Variants in SYNE2 observed in about 807,000 individuals in gnomAD.
SYNE2 encodes the protein nesprin-2.
SYNE2 carries 431 observed loss-of-function variants against 856.3 expected under a neutral mutation model. That is an observed-to-expected ratio of 0.50 (90% confidence interval 0.47 to 0.55). The LOEUF (loss-of-function observed/expected upper bound fraction) is 0.55, where lower values mean the gene tolerates loss of function less well. Among genes scored for constraint, SYNE2 ranks in the 20% least tolerant of loss-of-function variants. The pLI, the probability that SYNE2 is intolerant of heterozygous loss-of-function variation, is 0.00. For synonymous variants in SYNE2, 2,923 were observed against 2,872.3 expected (o/e 1.02, Z -0.56); for missense variants, 8,129 against 8,023.2 (o/e 1.01, Z -0.50).
intron 1 of SYNE2, among the ~76,000 whole-genome samples, chr14:63,825,780 C>T (rs1889406335): frequency 6.6e-6 from 1 of 152,024 alleles, no homozygotes; most frequent in Non-Finnish European, 1.5e-5. Flanking sequence ...GAGCCTGAGG[C>T]AGGGAGAATT....
rs1336910209 is a variant in SYNE2 at position 64,051,860 on chromosome 14, A to G, written c.7947A>G (p.Leu2649=). The change falls in exon 48 of 116, where the codon CTA becomes CTG. Residue 2649 remains leucine, a synonymous_variant. Coordinates refer to ENST00000555002, the MANE Select transcript of SYNE2 (RefSeq NM_182914.3). ...EISLQQQQQH[L]QLRLKSPEER... is the part of the protein sequence containing the mutation. ...CTCTGCAACAGCAGCAGCAACATCT[A>G]CAGTTAAGGCTGAAGTCTCCAGAAG... The G allele has an allele frequency of 1.2e-6, 2 of 1,613,976 alleles. No individual in the cohort carries two copies. Among genetic ancestry groups the G allele is most frequent in the East Asian group, 2.2e-5 (1 of 44,898 alleles).
intron 8 of SYNE2, among the ~76,000 whole-genome samples, chr14:63,957,124 T>C (rs2096250337): frequency 6.6e-6 from 1 of 151,990 alleles, no homozygotes; most frequent in Non-Finnish European, 1.5e-5. Flanking sequence ...TTCCTTTTTT[T>C]TTTTTTGGAG....
At chr14:63,947,417 G>A (rs2096053414) in intron 6 of SYNE2, among the ~76,000 whole-genome samples, 1 of 152,190 alleles carries the variant, frequency 6.6e-6, no homozygotes, top group South Asian at 2.1e-4. Context: ...TGAAAATGTA[G>A]TTGTTTTAAA....
At chr14:64,125,524 T>G (rs1026184110) in intron 71 of SYNE2, among the ~76,000 whole-genome samples, 1 of 152,128 alleles carries the variant, frequency 6.6e-6, no homozygotes, top group East Asian at 1.9e-4. Flanking sequence ...AGTATAGGCA[T>G]GGTTTTCAAC....
At position 64,212,568 on chromosome 14, in the gene SYNE2, G is replaced by A. The variant is rs75298165; in HGVS notation, c.18862-243G>A. On this transcript the variant is annotated intron_variant, in intron 104 of 115. Coordinates refer to ENST00000555002, the MANE Select transcript of SYNE2 (RefSeq NM_182914.3). ...ACCTAATAACAGTAAATGTCCACCC[G>A]TGTCAAACTTTTAGAATTATTTTAA... 1.1e-3 allele frequency among the ~76,000 whole-genome samples: 160 copies of A among 152,304 alleles called. No individual in the cohort carries two copies. In the Middle Eastern group the frequency reaches 0.017, roughly 16 times the overall value.
intron 96 of SYNE2, 117 bp from the exon 97 acceptor site, chr14:64,186,307 T>G (rs1384671985): frequency 2.1e-5 from 28 of 1,353,972 alleles, no homozygotes; most frequent in Non-Finnish European, 2.9e-5. Context: ...AGAAGGTCCC[T>G]CCCTCTCTCC....
chr14:64,027,520 T>C lies in SYNE2; in HGVS notation c.6441T>C (p.Tyr2147=). 6.2e-7 allele frequency: 1 copy of C among 1,603,508 alleles called. No individual in the cohort carries two copies. Among genetic ancestry groups the C allele is most frequent in the Non-Finnish European group, 8.5e-7 (1 of 1,176,226 alleles). ...QEKLLLEGEK[Y]LQSKEDLRLM... ...AGCTTCTACTAGAAGGAGAGAAATA[T>C]TTACAAAGTAAGGAGGATCTGAGAT... is the stretch of plus-strand genomic sequence containing the variant. Residue 2147 remains tyrosine, a synonymous_variant, in exon 43 of 116, where the codon TAT becomes TAC. Coordinates refer to ENST00000555002, the MANE Select transcript of SYNE2 (RefSeq NM_182914.3).
chr14:64,068,154 G>T (rs2097371784), intron 51 of SYNE2, among the ~76,000 whole-genome samples: 1 of 152,076 alleles, frequency 6.6e-6, no homozygotes, highest in Non-Finnish European at 1.5e-5. Flanking sequence ...CTGATGCTAG[G>T]GCTGTCTTCA....
At position 64,149,957 on chromosome 14, in the gene SYNE2, G is replaced by A. The variant is rs372205413; in HGVS notation, c.15640-2607G>A. On this transcript the variant is annotated intron_variant, in intron 84 of 115. Transcript: ENST00000555002. ...AGCAAAAGAAACGAGCAACCCCACCGTGTGTGGTTGTTCGTGTGCTGCTAT... is the reference window on the plus strand; with the variant it reads ...AGCAAAAGAAACGAGCAACCCCACCATGTGTGGTTGTTCGTGTGCTGCTAT... Among the ~76,000 whole-genome samples the A allele has an allele frequency of 1.1e-4, 16 of 148,688 alleles. No homozygotes were observed. In the East Asian group the frequency reaches 1.2e-3, roughly 11 times the overall value.
At chr14:64,000,244 T>C (rs955494617) in intron 27 of SYNE2, among the ~76,000 whole-genome samples, 3 of 152,242 alleles carry the variant, frequency 2.0e-5, no homozygotes, top group African/African-American at 7.2e-5. Flanking sequence ...GAAAACAGAA[T>C]ATCTGTTCTT....
intron 1 of SYNE2, among the ~76,000 whole-genome samples, chr14:63,836,734 CT>C (rs1212421054): frequency 1.3e-5 from 2 of 152,184 alleles, no homozygotes; most frequent in African/African-American, 4.8e-5. Flanking sequence ...CAACATCTGT[CT>C]TTGCCTCTCC....
intron 83 of SYNE2, among the ~76,000 whole-genome samples, chr14:64,145,596 G>A (rs1187320429): frequency 6.6e-6 from 1 of 151,560 alleles, no homozygotes; most frequent in Non-Finnish European, 1.5e-5. Flanking sequence ...TTATGATTAT[G>A]ACCTAATAAA....
At chr14:63,810,202 A>G (rs1358820607) in intron 1 of SYNE2, among the ~76,000 whole-genome samples, 2 of 151,934 alleles carry the variant, frequency 1.3e-5, no homozygotes, top group African/African-American at 4.8e-5. Context: ...TAGGCTGTGC[A>G]ACAGAGTAAG....
intron 53 of SYNE2, 29 bp downstream of exon 53, chr14:64,074,165 G>T (rs747588388): frequency 3.5e-5 from 56 of 1,606,098 alleles, no homozygotes; most frequent in Non-Finnish European, 4.6e-5. Context: ...AGTGAATGTG[G>T]CAGGTACAGG....
chr14:64,209,647 A>G, intron 102 of SYNE2, 69 bp downstream of exon 102: 2 of 1,597,820 alleles, frequency 1.3e-6, no homozygotes, highest in South Asian at 2.2e-5. Context: ...GGCTGCTGAA[A>G]TGACTTCCTC....
intron 59 of SYNE2, 86 bp from the exon 60 acceptor site, chr14:64,090,779 TA>T (rs1490102838): frequency 1.7e-6 from 2 of 1,207,518 alleles, no homozygotes; most frequent in Non-Finnish European, 2.4e-6. Context: ...CTATAAAAAC[TA>T]TACTGTATTT....
At chr14:63,945,395 T>C (rs2096010442) in intron 6 of SYNE2, among the ~76,000 whole-genome samples, 1 of 152,166 alleles carries the variant, frequency 6.6e-6, no homozygotes, top group Admixed American at 6.5e-5. Flanking sequence ...AATGGAATTA[T>C]AAATGTCTTC....
intron 55 of SYNE2, 45 bp from the exon 56 acceptor site, chr14:64,080,411 A>G: frequency 1.2e-6 from 2 of 1,601,302 alleles, no homozygotes; most frequent in Non-Finnish European, 1.7e-6. Flanking sequence ...GCCTCCATAA[A>G]CTATGACCTC....
In SYNE2 at chr14:64,051,819, C is replaced by G. The variant is rs755956781; in HGVS notation, c.7906C>G (p.Gln2636Glu). 4.3e-6 allele frequency: 7 copies of G among 1,614,060 alleles called. No individual in the cohort carries two copies. In the South Asian group the frequency reaches 7.7e-5, roughly 18 times the overall value. ...DEFTTLMNKVQDTEISLQQQQ... is the reference protein window; with the variant it reads ...DEFTTLMNKVEDTEISLQQQQ... ...ATTTACAACCCTCATGAATAAGGTA[C>G]AGGACACTGAGATTTCTCTGCAACA... Residue 2636 changes from glutamine (Q) to glutamate (E), a missense_variant, in exon 48 of 116, where the codon CAG becomes GAG. Transcript: ENST00000555002.
Sources: gnomAD v4.1 joint callset for allele counts (sites outside exome capture counted in the v4.1 genomes callset) on GRCh38, gnomAD v4.1.1 for gene constraint, MANE v1.5 for transcripts, NCBI Gene and HGNC (gene_info 2026-07-23, HGNC 2026-07-21) for gene names.